The following SLC14A2 variants were observed in gnomAD, a reference collection of about 807,000 sequenced individuals.
SLC14A2 encodes solute carrier family 14 member 2.
Under a neutral mutation model 104.6 loss-of-function variants are expected in SLC14A2, and 91 were observed. That is an observed-to-expected ratio of 0.87 (90% CI 0.73 to 1.04). The LOEUF (loss-of-function observed/expected upper bound fraction) is 1.04, where lower values mean the gene tolerates loss of function less well. SLC14A2 is among the 50% of genes least tolerant of loss of function. SLC14A2 has a pLI of 0.00. For synonymous variants in SLC14A2, 476 were observed against 466.4 expected, an observed-to-expected ratio of 1.02 and a Z score of -0.27; for missense variants, 1,189 against 1,156.0, an observed-to-expected ratio of 1.03 and a Z score of -0.41.
intron 1 of SLC14A2, among the ~76,000 whole-genome samples, chr18:45,291,615 C>T (rs1328334808): frequency 1.3e-5 from 2 of 152,116 alleles, no homozygotes; most frequent in Non-Finnish European, 2.9e-5. Flanking sequence ...CAGCAAAGGG[C>T]AGTAAAGGCA....
At chr18:45,217,737 C>G (rs967700128) in intron 1 of SLC14A2, among the ~76,000 whole-genome samples, 1 of 152,110 alleles carries the variant, frequency 6.6e-6, no homozygotes, top group African/African-American at 2.4e-5. Flanking sequence ...TATTTTCTGG[C>G]CCTGTGCTTA....
chr18:45,370,022 C>G (rs1391725027), intron 1 of SLC14A2, among the ~76,000 whole-genome samples: 2 of 152,186 alleles, frequency 1.3e-5, no homozygotes, highest in Non-Finnish European at 2.9e-5. Flanking sequence ...TGTTGAGGCT[C>G]TAGGCAAAGC....
At chr18:45,607,140 T>G (rs2044885064) in intron 2 of SLC14A2, among the ~76,000 whole-genome samples, 1 of 152,210 alleles carries the variant, frequency 6.6e-6, no homozygotes, top group South Asian at 2.1e-4. Context: ...GCAATGTTGG[T>G]TAAGTACTTC....
the SLC14A2 span, among the ~76,000 whole-genome samples, chr18:45,179,461 T>C: frequency 6.6e-6 from 1 of 151,264 alleles, no homozygotes; most frequent in African/African-American, 2.5e-5. Flanking sequence ...ATGCACTCTT[T>C]TGAAGAAGGA....
At chr18:45,298,532 T>A (rs1427053599) in intron 1 of SLC14A2, among the ~76,000 whole-genome samples, 1 of 152,184 alleles carries the variant, frequency 6.6e-6, no homozygotes, top group Admixed American at 6.5e-5. Flanking sequence ...TAGCCCACTT[T>A]CCATTCTCCA....
rs1397173494 is a variant in SLC14A2, at chr18:45,681,359, C to A, written c.2563-960C>A. 3.0e-3 allele frequency among the ~76,000 whole-genome samples: 7 copies of A among 2,308 alleles called. 3 individuals are homozygous for A. Among genetic ancestry groups the A allele is most frequent in the African/African-American group, 3.1e-3 (7 of 2,266 alleles). 1.5% of individuals were successfully genotyped at this position (2,308 alleles called of 152,430 possible). Reference sequence around the variant, plus strand: ...GATTACAGGCGTGAGCCACCGCGCCCGGCCCTGAGGTTTTTACTGCTTATA... The same window carrying A: ...GATTACAGGCGTGAGCCACCGCGCCAGGCCCTGAGGTTTTTACTGCTTATA... On this transcript the variant is annotated intron_variant, in intron 19 of 19. Coordinates refer to ENST00000255226, the MANE Select transcript of SLC14A2 (RefSeq NM_007163.4).
rs117557985 is a variant in SLC14A2, at chr18:45,544,405, A to G, written c.-35+61083A>G. On this transcript the variant is annotated intron_variant, in intron 2 of 20. Transcript: ENST00000586448. ...TCTCTCTCCCACTCATTAAGTGTCTATATAACCAGGGACTTTTTCTTATAC... is the reference window on the plus strand; with the variant it reads ...TCTCTCTCCCACTCATTAAGTGTCTGTATAACCAGGGACTTTTTCTTATAC... 6.0e-3 allele frequency among the ~76,000 whole-genome samples: 913 copies of G among 152,334 alleles called. 4 individuals are homozygous for G. The highest frequency in any genetic ancestry group is 0.01 in the Non-Finnish European group (681 of 68,038).
chr18:45,373,873 T>C (rs561541426), intron 1 of SLC14A2, among the ~76,000 whole-genome samples: 1 of 152,296 alleles, frequency 6.6e-6, no homozygotes, highest in South Asian at 2.1e-4. Context: ...TGCCCCTAGA[T>C]AGTCAGTGCT....
At chr18:45,539,576 A>T (rs2043853031) in intron 2 of SLC14A2, among the ~76,000 whole-genome samples, 1 of 152,124 alleles carries the variant, frequency 6.6e-6, no homozygotes, top group Non-Finnish European at 1.5e-5. Context: ...AGGCAACCCC[A>T]TGGAGCCCAG....
At chr18:45,469,209 C>A (rs191193378) in intron 1 of SLC14A2, among the ~76,000 whole-genome samples, 1 of 152,030 alleles carries the variant, frequency 6.6e-6, no homozygotes, top group East Asian at 1.9e-4. Flanking sequence ...GTGGATGGAA[C>A]GGTGTGTAAG....
intron 1 of SLC14A2, among the ~76,000 whole-genome samples, chr18:45,228,309 T>C (rs1031779772): frequency 5.3e-5 from 8 of 152,196 alleles, no homozygotes; most frequent in Admixed American, 1.3e-4. Context: ...AGTCTTAATA[T>C]AATGGTCAGA....
upstream of SLC14A2, among the ~76,000 whole-genome samples, chr18:45,613,876 G>A (rs776165059): frequency 4.6e-5 from 7 of 152,236 alleles, no homozygotes; most frequent in African/African-American, 9.6e-5. Context: ...TTTGCAGCCT[G>A]ACGATGTGAT....
chr18:45,429,960 G>C (rs1273394915), intron 1 of SLC14A2, among the ~76,000 whole-genome samples: 1 of 152,158 alleles, frequency 6.6e-6, no homozygotes, highest in African/African-American at 2.4e-5. Context: ...AGGCTTTATG[G>C]AAACTCAATA....
chr18:45,546,917 G>C (rs1468981862), intron 2 of SLC14A2, among the ~76,000 whole-genome samples: 1 of 152,154 alleles, frequency 6.6e-6, no homozygotes, highest in African/African-American at 2.4e-5. Flanking sequence ...TCCGTCCTAT[G>C]GGCTGGCTAC....
At chr18:45,633,493 G>A (rs2045375734) in intron 5 of SLC14A2, among the ~76,000 whole-genome samples, 1 of 152,232 alleles carries the variant, frequency 6.6e-6, no homozygotes, top group East Asian at 1.9e-4. Flanking sequence ...AGCGAAGGGT[G>A]TGCTGGGCCA....
intron 2 of SLC14A2, among the ~76,000 whole-genome samples, chr18:45,547,755 G>A (rs969515493): frequency 2.0e-5 from 3 of 152,330 alleles, no homozygotes. Context: ...TTACATAACT[G>A]TAAGGAATTG....
At chr18:45,403,491 G>T (rs1352709383) in intron 1 of SLC14A2, among the ~76,000 whole-genome samples, 1 of 152,138 alleles carries the variant, frequency 6.6e-6, no homozygotes, top group African/African-American at 2.4e-5. Flanking sequence ...GGACACAGTG[G>T]TGCCTCTCAG....
At chr18:45,268,389 A>G (rs2084614309) in intron 1 of SLC14A2, among the ~76,000 whole-genome samples, 1 of 152,250 alleles carries the variant, frequency 6.6e-6, no homozygotes, top group African/African-American at 2.4e-5. Context: ...ACTAATACAT[A>G]TAGCAAAAAA....
intron 1 of SLC14A2, among the ~76,000 whole-genome samples, chr18:45,360,412 T>G (rs2085598775): frequency 6.6e-6 from 1 of 152,264 alleles, no homozygotes; most frequent in Non-Finnish European, 1.5e-5. Flanking sequence ...ACTACTCATT[T>G]AATTTCTACC....
Sources: allele counts gnomAD v4.1 joint callset (sites outside exome capture counted in the v4.1 genomes callset), GRCh38; gene constraint gnomAD v4.1.1; transcripts MANE v1.5; gene names NCBI Gene and HGNC (gene_info 2026-07-23, HGNC 2026-07-21).